GRM1: variants seen among roughly 807,000 people sequenced by gnomAD.
The protein encoded by GRM1 is glutamate metabotropic receptor 1.
Under a neutral mutation model 90.9 loss-of-function variants are expected in GRM1, and 33 were observed. The ratio of observed to expected loss-of-function variants is 0.36; its 90% CI spans 0.28 to 0.49. GRM1 has a LOEUF of 0.49. Among genes scored for constraint, GRM1 ranks in the 20% least tolerant of loss-of-function variants. The probability of loss-of-function intolerance (pLI) is 0.99; values close to 1 mark genes in which losing one functional copy is unlikely to be tolerated. For missense variants in GRM1, 1,190 were observed against 1,534.3 expected, an observed-to-expected ratio of 0.78 and a Z score of 3.75; for synonymous variants, 700 against 613.2, an observed-to-expected ratio of 1.14 and a Z score of -2.09.
chr6:146,248,256 A>G (rs1292249121), intron 2 of GRM1, among the ~76,000 whole-genome samples: 1 of 152,214 alleles, frequency 6.6e-6, no homozygotes, highest in Admixed American at 6.5e-5. Flanking sequence ...AAGAGTTACA[A>G]AGATACAAGA....
chr6:146,391,789 G>T (rs1218527551), intron 6 of GRM1, among the ~76,000 whole-genome samples: 1 of 152,002 alleles, frequency 6.6e-6, no homozygotes, highest in Non-Finnish European at 1.5e-5. Context: ...GTTTTGGATG[G>T]TTCCAGATTG....
At chr6:146,337,522 A>G (rs1784817519) in intron 3 of GRM1, among the ~76,000 whole-genome samples, 2 of 152,194 alleles carry the variant, frequency 1.3e-5, no homozygotes, top group Non-Finnish European at 1.5e-5. Flanking sequence ...GGATAGGGAT[A>G]TTAAGCCAGC....
intron 6 of GRM1, among the ~76,000 whole-genome samples, chr6:146,393,810 C>T (rs1347561510): frequency 6.6e-6 from 1 of 152,062 alleles, no homozygotes; most frequent in Non-Finnish European, 1.5e-5. Flanking sequence ...ATAGCCAAGA[C>T]AATCCCAAGC....
At chr6:146,306,932 T>C in intron 3 of GRM1, among the ~76,000 whole-genome samples, 1 of 152,200 alleles carries the variant, frequency 6.6e-6, no homozygotes, top group East Asian at 1.9e-4. Flanking sequence ...TTGGATAAAT[T>C]AAGTCTGAGA....
At chr6:146,268,405 G>A (rs1781997351) in intron 2 of GRM1, among the ~76,000 whole-genome samples, 1 of 152,016 alleles carries the variant, frequency 6.6e-6, no homozygotes, top group East Asian at 1.9e-4. Context: ...TTCTGGGTAG[G>A]AGCAATATTG....
intron 1 of GRM1, among the ~76,000 whole-genome samples, chr6:146,074,964 C>T (rs1345155344): frequency 6.6e-6 from 1 of 152,138 alleles, no homozygotes; most frequent in African/African-American, 2.4e-5. Flanking sequence ...ATAGAAATTA[C>T]AATTTGCTTT....
chr6:146,228,267 T>A (rs548811064), intron 2 of GRM1, among the ~76,000 whole-genome samples: 1 of 152,192 alleles, frequency 6.6e-6, no homozygotes, highest in Non-Finnish European at 1.5e-5. Flanking sequence ...TTATTACAGT[T>A]CTGGAGGACA....
chr6:146,056,059 G>T (rs1484815341), intron 1 of GRM1, among the ~76,000 whole-genome samples: 1 of 152,054 alleles, frequency 6.6e-6, no homozygotes, highest in Non-Finnish European at 1.5e-5. Flanking sequence ...TACAAAGAAT[G>T]CTTTCAAAAA....
chr6:146,071,615 G>T (rs76324717), intron 1 of GRM1, among the ~76,000 whole-genome samples: 1 of 152,046 alleles, frequency 6.6e-6, no homozygotes, highest in Admixed American at 6.6e-5. Flanking sequence ...GTCTCATCCT[G>T]GGTCTCTGAG....
chr6:146,163,098 G>A (rs989919710), intron 2 of GRM1, among the ~76,000 whole-genome samples: 12 of 152,110 alleles, frequency 7.9e-5, no homozygotes, highest in South Asian at 2.1e-4. Context: ...CAGCCACTTC[G>A]TTAAAACCAG....
intron 1 of GRM1, among the ~76,000 whole-genome samples, chr6:146,068,869 C>CA (rs1202606934): frequency 1.3e-5 from 2 of 152,182 alleles, no homozygotes; most frequent in African/African-American, 4.8e-5. Flanking sequence ...CTTAATCCAA[C>CA]AATCCTTGAA....
At position 146,378,223 on chromosome 6, in the gene GRM1, A is replaced by G. The variant is rs572709189; in HGVS notation, c.1603-8667A>G. On this transcript the variant is annotated intron_variant, in intron 5 of 7. Transcript: ENST00000282753. ...AAATGTGGGGGGTGAGCCCCCATAC[A>G]GAGTTCCCACTGGGGCACTGCCTAG... 1.2e-4 allele frequency among the ~76,000 whole-genome samples: 19 copies of G among 152,316 alleles called. 2 individuals are homozygous for G. In the South Asian group the frequency reaches 3.7e-3, roughly 30 times the overall value.
chr6:146,375,006 C>T (rs1418734664), intron 5 of GRM1, among the ~76,000 whole-genome samples: 1 of 151,960 alleles, frequency 6.6e-6, no homozygotes, highest in Non-Finnish European at 1.5e-5. Flanking sequence ...GCACTTACAG[C>T]TATAAACTTC....
rs1293832012 is a variant in GRM1 at position 146,174,613 on chromosome 6, CTTAA to C, written c.950+15021_950+15024del. On this transcript the variant is annotated intron_variant, in intron 2 of 7. Transcript: ENST00000282753. ...AAAATTTTATATTGTTATACAATCA[CTTAA>C]TTAAGCTTATAATTTCCGAAAGATA... Among the ~76,000 whole-genome samples, 28 of 152,260 alleles carry C rather than the reference CTTAA, an allele frequency of 1.8e-4. 1 individual carries two copies. Among genetic ancestry groups the C allele is most frequent in the Non-Finnish European group, 2.6e-4 (18 of 68,012 alleles).
intron 2 of GRM1, among the ~76,000 whole-genome samples, chr6:146,293,382 G>A (rs1290008595): frequency 3.3e-5 from 5 of 151,954 alleles, no homozygotes; most frequent in Admixed American, 3.3e-4. Context: ...GTCTCTACAG[G>A]ACTGACTTTT....
chr6:146,089,858 T>C (rs569415427), intron 1 of GRM1, among the ~76,000 whole-genome samples: 86 of 152,256 alleles, frequency 5.6e-4, no homozygotes, highest in African/African-American at 2.0e-3. Context: ...AATTTAAATT[T>C]CACTGCCTAC....
chr6:146,256,719 T>G (rs1781492414), intron 2 of GRM1, among the ~76,000 whole-genome samples: 1 of 152,180 alleles, frequency 6.6e-6, no homozygotes. Flanking sequence ...CAACACTTAC[T>G]GATATTTTTC....
chr6:146,183,942 A>G (rs1428105954), intron 2 of GRM1, among the ~76,000 whole-genome samples: 5 of 152,316 alleles, frequency 3.3e-5, no homozygotes, highest in African/African-American at 9.6e-5. Context: ...AACTACAGCA[A>G]TAATCAGGCC....
intron 5 of GRM1, among the ~76,000 whole-genome samples, chr6:146,377,199 T>C (rs575386866): frequency 8.5e-5 from 13 of 152,078 alleles, no homozygotes; most frequent in Non-Finnish European, 1.8e-4. Context: ...GGGACTGCTG[T>C]AAAGATACTG....
Sources: gnomAD v4.1 joint callset for allele counts (sites outside exome capture counted in the v4.1 genomes callset) on GRCh38, gnomAD v4.1.1 for gene constraint, MANE v1.5 for transcripts, NCBI Gene and HGNC (gene_info 2026-07-23, HGNC 2026-07-21) for gene names.